EXT1: variants seen among roughly 807,000 people sequenced by gnomAD.
EXT1 encodes the protein exostosin glycosyltransferase 1.
Under a neutral mutation model 82.5 loss-of-function variants are expected in EXT1, and 20 were observed. That is an observed-to-expected ratio of 0.24 (90% CI 0.17 to 0.35). EXT1 has a LOEUF of 0.35. Among genes scored for constraint, EXT1 ranks in the 10% least tolerant of loss-of-function variants. The pLI is 1.00. For missense variants in EXT1, 757 were observed against 936.5 expected (o/e 0.81, Z 2.50); for synonymous variants, 348 against 350.8 (o/e 0.99, Z 0.09).
chr8:118,002,317 G>T (rs891509214), intron 1 of EXT1, among the ~76,000 whole-genome samples: 1 of 146,154 alleles, frequency 6.8e-6, no homozygotes, highest in Non-Finnish European at 1.5e-5. Context: ...GGAGGCAGAG[G>T]TTGCAGTGAG....
At position 117,807,131 on chromosome 8, in the gene EXT1, C is replaced by A. The variant is rs192161420; in HGVS notation, c.1883+86G>T. On this transcript the variant is annotated intron_variant, in intron 9 of 10. Transcript: ENST00000378204. ...GACTAATTTTCCTCAATGCTGTTAA[C>A]AAGATTTGGCCTTAGTTCCTATTTA... The A allele has an allele frequency of 8.0e-5, 123 of 1,537,940 alleles. No homozygotes were observed. In the Admixed American group the frequency reaches 1.4e-3, roughly 18 times the overall value.
intron 1 of EXT1, among the ~76,000 whole-genome samples, chr8:118,075,354 G>T (rs1817188126): frequency 6.6e-6 from 1 of 152,202 alleles, no homozygotes; most frequent in Admixed American, 6.5e-5. Flanking sequence ...CTGGACAAAA[G>T]GAAGAGAGGC....
At chr8:117,969,545 T>C (rs1221981086) in intron 1 of EXT1, among the ~76,000 whole-genome samples, 1 of 152,218 alleles carries the variant, frequency 6.6e-6, no homozygotes. Flanking sequence ...TTCATCTTTA[T>C]GGAGCTGTTT....
intron 1 of EXT1, among the ~76,000 whole-genome samples, chr8:117,877,295 G>A (rs1563588350): frequency 6.6e-6 from 1 of 152,112 alleles, no homozygotes. Context: ...AGTTGGAGCC[G>A]CCACCCCAAG....
intron 1 of EXT1, among the ~76,000 whole-genome samples, chr8:117,948,855 T>G (rs957457505): frequency 6.6e-6 from 1 of 152,266 alleles, no homozygotes; most frequent in Non-Finnish European, 1.5e-5. Flanking sequence ...TTTTTCCTGT[T>G]TATCTACTTA....
intron 1 of EXT1, among the ~76,000 whole-genome samples, chr8:118,064,459 G>A (rs1586372247): frequency 6.6e-6 from 1 of 152,142 alleles, no homozygotes; most frequent in Admixed American, 6.5e-5. Flanking sequence ...TTAGTTTGAT[G>A]AGAATGATGC....
intron 1 of EXT1, among the ~76,000 whole-genome samples, chr8:117,919,631 A>G (rs944231718): frequency 6.6e-6 from 1 of 151,896 alleles, no homozygotes; most frequent in Non-Finnish European, 1.5e-5. Context: ...CACCCTCCCA[A>G]GTAGCTAGGA....
chr8:117,936,993 A>C (rs532102913), intron 1 of EXT1, among the ~76,000 whole-genome samples: 1 of 152,146 alleles, frequency 6.6e-6, no homozygotes, highest in Non-Finnish European at 1.5e-5. Context: ...AGCACCTGCC[A>C]CACAGGAGAT....
chr8:118,031,010 C>A (rs1195943521), intron 1 of EXT1, among the ~76,000 whole-genome samples: 1 of 152,096 alleles, frequency 6.6e-6, no homozygotes. Flanking sequence ...CATACAAATT[C>A]TTGAAGGCAT....
At chr8:117,893,363 T>A (rs998819281) in intron 1 of EXT1, among the ~76,000 whole-genome samples, 1 of 152,070 alleles carries the variant, frequency 6.6e-6, no homozygotes, top group African/African-American at 2.4e-5. Flanking sequence ...GAAGCAAAGG[T>A]CTCCAAGAAC....
At chr8:117,986,187 CTTTTTTT>C (rs1160370973) in intron 1 of EXT1, among the ~76,000 whole-genome samples, 1 of 63,458 alleles carries the variant, frequency 1.6e-5, no homozygotes, top group Non-Finnish European at 2.9e-5. Flanking sequence ...CTATTCTTTT[CTTTTTTT>C]TTTTTTTTTT....
intron 1 of EXT1, among the ~76,000 whole-genome samples, chr8:117,948,844 A>G (rs1329617705): frequency 6.6e-6 from 1 of 151,918 alleles, no homozygotes; most frequent in Admixed American, 6.6e-5. Context: ...ATGCTGAGAT[A>G]TTTTTCCTGT....
At chr8:118,044,494 A>G (rs1186886078) in intron 1 of EXT1, among the ~76,000 whole-genome samples, 1 of 151,192 alleles carries the variant, frequency 6.6e-6, no homozygotes, top group Non-Finnish European at 1.5e-5. Flanking sequence ...TGCAACCGCC[A>G]CCTCCCGGGT....
chr8:118,072,078 C>T (rs1817104316), intron 1 of EXT1, among the ~76,000 whole-genome samples: 1 of 152,168 alleles, frequency 6.6e-6, no homozygotes, highest in African/African-American at 2.4e-5. Flanking sequence ...AGGAATTTAT[C>T]ATTACTCACT....
At chr8:117,989,061 C>CAAA (rs10649300) in intron 1 of EXT1, among the ~76,000 whole-genome samples, 2,047 of 105,156 alleles carry the variant, frequency 0.019, 51 homozygotes, top group Non-Finnish European at 0.022. Flanking sequence ...CCCCTCCTCT[C>CAAA]AAAAAAAAAA....
chr8:117,883,197 T>G (rs111733862), intron 1 of EXT1, among the ~76,000 whole-genome samples: 1 of 152,206 alleles, frequency 6.6e-6, no homozygotes, highest in Admixed American at 6.5e-5. Flanking sequence ...TTGTCTGACA[T>G]CACCAATAAA....
intron 1 of EXT1, among the ~76,000 whole-genome samples, chr8:118,055,453 C>T (rs1023534079): frequency 1.9e-4 from 29 of 152,284 alleles, no homozygotes; most frequent in African/African-American, 7.0e-4. Flanking sequence ...CACGTGTAGA[C>T]AAATCACCAT....
chr8:118,103,677 C>A (rs1817761474), intron 1 of EXT1, among the ~76,000 whole-genome samples: 1 of 152,044 alleles, frequency 6.6e-6, no homozygotes, highest in Non-Finnish European at 1.5e-5. Flanking sequence ...AGAGGGACAC[C>A]CTGCAGGATG....
intron 1 of EXT1, among the ~76,000 whole-genome samples, chr8:118,043,956 C>A (rs905485946): frequency 1.1e-4 from 17 of 152,108 alleles, no homozygotes; most frequent in African/African-American, 3.4e-4. Flanking sequence ...CTCATCAACT[C>A]TTTTTAAGTC....
Sources: allele counts gnomAD v4.1 joint callset (sites outside exome capture counted in the v4.1 genomes callset), GRCh38; gene constraint gnomAD v4.1.1; transcripts MANE v1.5; gene names NCBI Gene and HGNC (gene_info 2026-07-23, HGNC 2026-07-21).